GALNTL6: variants seen among roughly 807,000 people sequenced by gnomAD.
GALNTL6 encodes the protein polypeptide N-acetylgalactosaminyltransferase like 6.
GALNTL6 carries 46 observed loss-of-function variants against 73.7 expected under a neutral mutation model. That is an observed-to-expected ratio of 0.62 (90% CI 0.49 to 0.80). GALNTL6 has a LOEUF of 0.80. Among genes scored for constraint, GALNTL6 ranks in the 30% least tolerant of loss-of-function variants. The pLI, the probability that GALNTL6 is intolerant of heterozygous loss-of-function variation, is 0.00. For missense variants in GALNTL6, 604 were observed against 755.0 expected (o/e 0.80, Z 2.34); for synonymous variants, 259 against 263.7 (o/e 0.98, Z 0.17).
chr4:172,941,376 C>G (rs911496547), intron 9 of GALNTL6, among the ~76,000 whole-genome samples: 1 of 152,176 alleles, frequency 6.6e-6, no homozygotes, highest in South Asian at 2.1e-4. Flanking sequence ...TTAATCATTA[C>G]TTTCACTTTG....
intron 2 of GALNTL6, among the ~76,000 whole-genome samples, chr4:172,161,391 A>G (rs1426610183): frequency 6.6e-6 from 1 of 152,074 alleles, no homozygotes; most frequent in Admixed American, 6.6e-5. Context: ...ATTAGAATAT[A>G]TTTTGGAAAA....
intron 5 of GALNTL6, among the ~76,000 whole-genome samples, chr4:172,501,242 T>C (rs1347605178): frequency 6.6e-6 from 1 of 152,208 alleles, no homozygotes; most frequent in Non-Finnish European, 1.5e-5. Flanking sequence ...AATTTCTGTA[T>C]TATTTCTTAC....
chr4:172,782,049 T>C (rs1739396005), intron 5 of GALNTL6, among the ~76,000 whole-genome samples: 1 of 152,018 alleles, frequency 6.6e-6, no homozygotes, highest in African/African-American at 2.4e-5. Flanking sequence ...CAGCACCTAA[T>C]ATAAAGGTGA....
intron 3 of GALNTL6, among the ~76,000 whole-genome samples, chr4:172,270,084 AAAG>A (rs1269885385): frequency 6.6e-6 from 1 of 152,194 alleles, no homozygotes; most frequent in Non-Finnish European, 1.5e-5. Context: ...AAGTGAATAA[AAAG>A]AATAAATTGC....
At chr4:172,030,728 G>GGGAC (rs1373709174) in intron 2 of GALNTL6, among the ~76,000 whole-genome samples, 2 of 150,890 alleles carry the variant, frequency 1.3e-5, no homozygotes, top group African/African-American at 2.4e-5. Flanking sequence ...TAAAATATGG[G>GGGAC]GGACATATTT....
At chr4:171,945,337 T>A (rs896431375) in intron 2 of GALNTL6, among the ~76,000 whole-genome samples, 7 of 152,030 alleles carry the variant, frequency 4.6e-5, no homozygotes, top group African/African-American at 1.2e-4. Context: ...TGTGGGGATA[T>A]TATGACCTGT....
chr4:171,945,351 G>A (rs1578995321), intron 2 of GALNTL6, among the ~76,000 whole-genome samples: 1 of 151,988 alleles, frequency 6.6e-6, no homozygotes, highest in Non-Finnish European at 1.5e-5. Flanking sequence ...GACCTGTTTA[G>A]AATTCTTATT....
chr4:172,402,626 T>TG (rs1744082573), intron 5 of GALNTL6, among the ~76,000 whole-genome samples: 1 of 152,102 alleles, frequency 6.6e-6, no homozygotes, highest in Non-Finnish European at 1.5e-5. Context: ...AAAAGACTGT[T>TG]GTTTTTTAAT....
intron 7 of GALNTL6, among the ~76,000 whole-genome samples, chr4:172,823,843 A>G (rs1204606369): frequency 6.6e-6 from 1 of 152,212 alleles, no homozygotes; most frequent in Non-Finnish European, 1.5e-5. Context: ...ACAACCTAGG[A>G]GATAACATCT....
chr4:172,278,908 A>G (rs1738932546), intron 3 of GALNTL6, among the ~76,000 whole-genome samples: 1 of 152,158 alleles, frequency 6.6e-6, no homozygotes. Flanking sequence ...CCAGAAATAC[A>G]CTATCACATA....
chr4:172,662,555 C>T (rs1041877281), intron 5 of GALNTL6, among the ~76,000 whole-genome samples: 2 of 152,310 alleles, frequency 1.3e-5, no homozygotes, highest in Non-Finnish European at 2.9e-5. Context: ...CTACAATTAA[C>T]ATGGGCCTTG....
intron 5 of GALNTL6, among the ~76,000 whole-genome samples, chr4:172,727,264 C>A (rs2111377641): frequency 6.6e-6 from 1 of 152,300 alleles, no homozygotes; most frequent in African/African-American, 2.4e-5. Flanking sequence ...AGTCTTACCT[C>A]TCTAAATTCA....
intron 2 of GALNTL6, among the ~76,000 whole-genome samples, chr4:172,129,286 T>A (rs1169882623): frequency 1.3e-5 from 2 of 152,188 alleles, no homozygotes; most frequent in East Asian, 3.8e-4. Flanking sequence ...CTTAGACAGC[T>A]CTACATGTTA....
chr4:172,598,418 C>T (rs528432161), intron 5 of GALNTL6, among the ~76,000 whole-genome samples: 1 of 152,160 alleles, frequency 6.6e-6, no homozygotes, highest in Admixed American at 6.5e-5. Flanking sequence ...GAGATAACTG[C>T]CATTAGAAAC....
At chr4:172,525,542 A>G (rs886618736) in intron 5 of GALNTL6, among the ~76,000 whole-genome samples, 3 of 152,262 alleles carry the variant, frequency 2.0e-5, no homozygotes, top group African/African-American at 4.8e-5. Flanking sequence ...TTGAGCTTAT[A>G]TCCAGCATAT....
chr4:172,254,510 C>G (rs561165153), intron 3 of GALNTL6, among the ~76,000 whole-genome samples: 4 of 151,814 alleles, frequency 2.6e-5, no homozygotes, highest in Non-Finnish European at 1.5e-5. Context: ...ATATCACACA[C>G]CCATGCCCAC....
intron 3 of GALNTL6, among the ~76,000 whole-genome samples, chr4:172,264,389 T>G (rs2111042183): frequency 6.6e-6 from 1 of 150,470 alleles, no homozygotes; most frequent in South Asian, 2.1e-4. Context: ...AGTTTCCTCA[T>G]ATTTGTCCCT....
intron 5 of GALNTL6, among the ~76,000 whole-genome samples, chr4:172,690,319 A>C (rs147478476): frequency 6.6e-6 from 1 of 152,302 alleles, no homozygotes; most frequent in East Asian, 1.9e-4. Context: ...AAAAATTCTT[A>C]TTCTGATATT....
chr4:172,514,763 A>G (rs532024260), intron 5 of GALNTL6, among the ~76,000 whole-genome samples: 1 of 152,170 alleles, frequency 6.6e-6, no homozygotes, highest in East Asian at 1.9e-4. Context: ...GAGGACCAGG[A>G]GTGCCTACAG....
Sources: gnomAD v4.1 joint callset for allele counts (sites outside exome capture counted in the v4.1 genomes callset) on GRCh38, gnomAD v4.1.1 for gene constraint, MANE v1.5 for transcripts, NCBI Gene and HGNC (gene_info 2026-07-23, HGNC 2026-07-21) for gene names.